The following PACRG variants were observed in gnomAD, a reference collection of about 807,000 sequenced individuals.
PACRG encodes parkin coregulated, also known as parkin coregulated gene protein.
In PACRG, 29 loss-of-function variants were observed where a neutral mutation model predicts 29.7. The observed-to-expected ratio is 0.98, with a 90% CI of 0.73 to 1.33. The LOEUF (loss-of-function observed/expected upper bound fraction) is 1.33, where lower values mean the gene tolerates loss of function less well. Among genes scored for constraint, PACRG ranks in the 40% most tolerant of loss-of-function variants. PACRG has a pLI of 0.00. For missense variants in PACRG, 279 were observed against 316.2 expected (o/e 0.88, Z 0.89); for synonymous variants, 116 against 118.7 (o/e 0.98, Z 0.15).
intron 2 of PACRG, among the ~76,000 whole-genome samples, chr6:162,989,722 CTTT>C (rs66497763): frequency 2.1e-5 from 3 of 142,042 alleles, no homozygotes; most frequent in African/African-American, 7.8e-5. Context: ...TCAGTACTTC[CTTT>C]TTTTTTTTTT....
intron 2 of PACRG, among the ~76,000 whole-genome samples, chr6:162,984,919 G>T (rs1193725331): frequency 6.6e-6 from 1 of 151,512 alleles, no homozygotes; most frequent in African/African-American, 2.4e-5. Flanking sequence ...TCCTTTGTTG[G>T]ATGTATAGAT....
chr6:163,156,875 T>C (rs1232532805), intron 4 of PACRG, among the ~76,000 whole-genome samples: 4 of 152,210 alleles, frequency 2.6e-5, no homozygotes, highest in Admixed American at 6.5e-5. Flanking sequence ...AGCTGTCATC[T>C]TGTGCCTCAC....
intron 4 of PACRG, among the ~76,000 whole-genome samples, chr6:163,148,324 A>AT (rs754544737): frequency 2.6e-5 from 4 of 152,208 alleles, no homozygotes; most frequent in South Asian, 2.1e-4. Context: ...ATATTTTTAC[A>AT]TTTTTTTCAT....
At chr6:162,754,761 G>A (rs1781771380) in intron 1 of PACRG, among the ~76,000 whole-genome samples, 1 of 152,074 alleles carries the variant, frequency 6.6e-6, no homozygotes, top group Non-Finnish European at 1.5e-5. Flanking sequence ...ACCTATTTCA[G>A]AAATCAGTTC....
intron 4 of PACRG, among the ~76,000 whole-genome samples, chr6:163,181,604 CA>C (rs544633309): frequency 0.033 from 2,179 of 65,100 alleles, 50 homozygotes; most frequent in African/African-American, 0.094. Context: ...CTTGAGGTGG[CA>C]AAAAAAAAAA....
At chr6:162,824,317 G>A (rs982057986) in intron 2 of PACRG, among the ~76,000 whole-genome samples, 4 of 151,962 alleles carry the variant, frequency 2.6e-5, no homozygotes, top group Non-Finnish European at 4.4e-5. Flanking sequence ...GTTTCTGACC[G>A]GGCCAGGAAG....
Position 162,929,300 on chromosome 6 carries a change from G to A in PACRG, c.291+115019G>A, listed in dbSNP as rs977089452. On this transcript the variant is annotated intron_variant, in intron 2 of 4. Coordinates refer to ENST00000366888, the MANE Select transcript of PACRG (RefSeq NM_001080379.2). ...TCCTTAATTTCCTTTTTGGTAAAAG[G>A]CATTTAACTGGGGTAAGATGTTTCA... 3.3e-5 allele frequency among the ~76,000 whole-genome samples: 5 copies of A among 151,846 alleles called. No individual in the cohort carries two copies. The East Asian group carries it at 7.7e-4, about 23-fold the overall frequency.
chr6:163,160,460 A>G (rs2128341806), intron 4 of PACRG, among the ~76,000 whole-genome samples: 1 of 152,342 alleles, frequency 6.6e-6, no homozygotes, highest in Admixed American at 6.5e-5. Context: ...GGATTTTGCA[A>G]GTCACCAAGA....
intron 4 of PACRG, among the ~76,000 whole-genome samples, chr6:163,131,437 G>A (rs1337606504): frequency 6.6e-6 from 1 of 152,122 alleles, no homozygotes; most frequent in East Asian, 1.9e-4. Context: ...AGAGGGGGCC[G>A]ATGCAGCTTC....
chr6:162,951,399 G>C (rs1306292777), intron 2 of PACRG, among the ~76,000 whole-genome samples: 1 of 152,226 alleles, frequency 6.6e-6, no homozygotes, highest in Admixed American at 6.5e-5. Context: ...CAGGCAGGAA[G>C]GCTCTGATTG....
chr6:162,904,891 G>T (rs1795819940), intron 2 of PACRG, among the ~76,000 whole-genome samples: 1 of 152,212 alleles, frequency 6.6e-6, no homozygotes, highest in Non-Finnish European at 1.5e-5. Context: ...CTTCTTTGAG[G>T]AAATGCATTT....
At chr6:162,909,823 G>C (rs1219364712) in intron 2 of PACRG, among the ~76,000 whole-genome samples, 1 of 152,176 alleles carries the variant, frequency 6.6e-6, no homozygotes, top group Non-Finnish European at 1.5e-5. Context: ...CTGGTACAGT[G>C]ATTGGCACAT....
intron 2 of PACRG, among the ~76,000 whole-genome samples, chr6:162,970,551 T>A (rs1297736345): frequency 6.6e-6 from 1 of 152,130 alleles, no homozygotes; most frequent in East Asian, 1.9e-4. Flanking sequence ...CCCCACCCAC[T>A]TTCACCCTTC....
intron 4 of PACRG, among the ~76,000 whole-genome samples, chr6:163,089,898 G>T (rs562352532): frequency 6.6e-6 from 1 of 152,272 alleles, no homozygotes; most frequent in South Asian, 2.1e-4. Context: ...GGAAAACACA[G>T]ATGAATTCAT....
At position 163,062,227 on chromosome 6, in the gene PACRG, T is replaced by A; in HGVS notation, c.369T>A (p.Tyr123Ter). The change falls in exon 3 of 5, where the codon TAT (tyrosine) becomes TAA (stop). Residue 123 changes from tyrosine (Y) to a stop codon, truncating the protein, a stop_gained. Transcript: ENST00000366888. LOFTEE classifies it high-confidence loss of function. ...FDGLCEMTFP[Y>*]EFFARQGIHD... ...GGCTTTGTGAAATGACATTTCCCTA[T>A]GAGTTTTTTGCTCGGCAAGGAATCC... is the stretch of plus-strand genomic sequence containing the variant. 2 of 1,614,102 alleles carry A rather than the reference T, an allele frequency of 1.2e-6. No homozygotes were observed. Among genetic ancestry groups the A allele is most frequent in the Non-Finnish European group, 1.7e-6 (2 of 1,179,922 alleles).
intron 4 of PACRG, among the ~76,000 whole-genome samples, chr6:163,111,804 G>A (rs1815728569): frequency 6.6e-6 from 1 of 152,122 alleles, no homozygotes; most frequent in African/African-American, 2.4e-5. Flanking sequence ...TGATTTCCTT[G>A]GAGGGACGTG....
At chr6:163,083,379 G>A (rs971009396) in intron 3 of PACRG, among the ~76,000 whole-genome samples, 6 of 152,088 alleles carry the variant, frequency 3.9e-5, no homozygotes, top group South Asian at 2.1e-4. Flanking sequence ...CAGTCTTCCT[G>A]CTTTTGCTTT....
At chr6:162,751,864 G>C (rs911760365) in intron 1 of PACRG, among the ~76,000 whole-genome samples, 1 of 152,124 alleles carries the variant, frequency 6.6e-6, no homozygotes, top group African/African-American at 2.4e-5. Flanking sequence ...ACCCCAAAAT[G>C]CTTCTCTCCA....
intron 1 of PACRG, among the ~76,000 whole-genome samples, chr6:162,797,156 C>T (rs1353545655): frequency 6.6e-6 from 1 of 152,136 alleles, no homozygotes; most frequent in East Asian, 1.9e-4. Flanking sequence ...TGCCTGTAAT[C>T]CCAGCTACTG....
Sources: gnomAD v4.1 joint callset for allele counts (sites outside exome capture counted in the v4.1 genomes callset) on GRCh38, gnomAD v4.1.1 for gene constraint, MANE v1.5 for transcripts, NCBI Gene and HGNC (gene_info 2026-07-23, HGNC 2026-07-21) for gene names.